PTPRG: variants seen among roughly 807,000 people sequenced by gnomAD.
The protein encoded by PTPRG is receptor-type tyrosine-protein phosphatase gamma.
PTPRG carries 102 observed loss-of-function variants against 165.3 expected under a neutral mutation model. That is an observed-to-expected ratio of 0.62 (90% CI 0.53 to 0.73). The LOEUF (loss-of-function observed/expected upper bound fraction) is 0.73, where lower values mean the gene tolerates loss of function less well. Among genes scored for constraint, PTPRG ranks in the 30% least tolerant of loss-of-function variants. The pLI is 0.00. For synonymous variants in PTPRG, 675 were observed against 669.5 expected (o/e 1.01, Z -0.13); for missense variants, 1,866 against 1,861.4 (o/e 1.00, Z -0.05).
intron 1 of PTPRG, among the ~76,000 whole-genome samples, chr3:61,684,390 C>G (rs1268140835): frequency 6.6e-6 from 1 of 152,182 alleles, no homozygotes; most frequent in African/African-American, 2.4e-5. Context: ...TTTGATTTTT[C>G]TTTTGGCATC....
rs113330430 is a variant in PTPRG, at chr3:62,214,005, T to TGGGCAAC, written c.2156-4845_2156-4839dup. ...TGAGCCCAGAAGTTCGAGACCAGCC[T>TGGGCAAC]GGGCAACATATCAAGAAAGTGTCTC... On this transcript the variant is annotated intron_variant, in intron 12 of 29. Transcript: ENST00000474889. This position sits in a 1 kb window ranked among gnomAD's most constrained non-coding sequence, Gnocchi z 5.2. 1.2e-4 allele frequency among the ~76,000 whole-genome samples: 18 copies of TGGGCAAC among 152,166 alleles called. No individual in the cohort carries two copies. Among genetic ancestry groups the TGGGCAAC allele is most frequent in the African/African-American group, 3.9e-4 (16 of 41,508 alleles).
rs577833100 is a variant in PTPRG at position 61,913,576 on chromosome 3, A to G, written c.191-76049A>G. On this transcript the variant is annotated intron_variant, in intron 2 of 29. Transcript: ENST00000474889. ...ACTCTACGAGTGCATATGTATGTGTATGCACTCATATGGATGTGTGGCTTC... is the reference window on the plus strand; with the variant it reads ...ACTCTACGAGTGCATATGTATGTGTGTGCACTCATATGGATGTGTGGCTTC... 3.3e-5 allele frequency among the ~76,000 whole-genome samples: 5 copies of G among 152,314 alleles called. No individual in the cohort carries two copies. The South Asian group carries it at 8.3e-4, about 25-fold the overall frequency.
At chr3:61,886,165 A>G (rs764300176) in intron 2 of PTPRG, among the ~76,000 whole-genome samples, 1 of 152,088 alleles carries the variant, frequency 6.6e-6, no homozygotes, top group East Asian at 1.9e-4. Flanking sequence ...TTCCTGCTCG[A>G]TCCTTCCTTC....
At chr3:62,173,949 G>C (rs886626165) in intron 8 of PTPRG, among the ~76,000 whole-genome samples, 2 of 152,288 alleles carry the variant, frequency 1.3e-5, no homozygotes, top group Admixed American at 1.3e-4. Context: ...GCTGAAGAAA[G>C]ACTTCTATAT....
intron 2 of PTPRG, among the ~76,000 whole-genome samples, chr3:61,934,263 A>G (rs1010140301): frequency 1.3e-5 from 2 of 152,234 alleles, no homozygotes; most frequent in African/African-American, 2.4e-5. Context: ...ATTCTGGTGT[A>G]TGTCAGAATG....
At chr3:61,787,358 C>T (rs1295872499) in intron 2 of PTPRG, among the ~76,000 whole-genome samples, 1 of 152,186 alleles carries the variant, frequency 6.6e-6, no homozygotes, top group African/African-American at 2.4e-5. Context: ...GCTGTTACTT[C>T]CTTTCCTGCC....
intron 2 of PTPRG, among the ~76,000 whole-genome samples, chr3:61,752,785 CAAA>C (rs749817659): frequency 2.9e-5 from 2 of 69,980 alleles, no homozygotes; most frequent in Admixed American, 2.2e-4. Context: ...AAGACTGTCT[CAAA>C]AAAAAAAAAA....
intron 2 of PTPRG, among the ~76,000 whole-genome samples, chr3:61,789,933 G>A (rs1226982890): frequency 6.6e-6 from 1 of 152,202 alleles, no homozygotes; most frequent in Non-Finnish European, 1.5e-5. Context: ...GGCATATCCT[G>A]TCCTGGTTGA....
chr3:61,683,851 C>T lies in PTPRG; in HGVS notation c.86-65027C>T, dbSNP rs145523493. ...AAATTTAGTTATGAAGGAGACCTCC[C>T]ATTCGAGTCTAGGCGTTTAATAATA... On this transcript the variant is annotated intron_variant, in intron 1 of 29. Coordinates refer to ENST00000474889, the MANE Select transcript of PTPRG (RefSeq NM_002841.4). Among the ~76,000 whole-genome samples, 28 of 152,290 alleles carry T rather than the reference C, an allele frequency of 1.8e-4. No individual in the cohort carries two copies. The East Asian group carries it at 5.4e-3, about 29-fold the overall frequency.
intron 7 of PTPRG, among the ~76,000 whole-genome samples, chr3:62,163,089 C>A (rs1704831710): frequency 6.6e-6 from 1 of 152,114 alleles, no homozygotes; most frequent in African/African-American, 2.4e-5. Flanking sequence ...TTTTAAACAA[C>A]CAGATCTCGT....
intron 2 of PTPRG, among the ~76,000 whole-genome samples, chr3:61,783,960 T>A (rs1218210632): frequency 6.6e-6 from 1 of 152,168 alleles, no homozygotes; most frequent in Non-Finnish European, 1.5e-5. Flanking sequence ...CATTGGGCAT[T>A]TGAACCTGAG....
At chr3:62,156,100 A>G (rs938587762) in intron 6 of PTPRG, among the ~76,000 whole-genome samples, 23 of 152,254 alleles carry the variant, frequency 1.5e-4, no homozygotes, top group African/African-American at 5.5e-4. Flanking sequence ...ATTATAAGAT[A>G]TTTTCCTCAT....
intron 2 of PTPRG, among the ~76,000 whole-genome samples, chr3:61,864,386 A>C (rs2037350419): frequency 1.3e-5 from 2 of 152,242 alleles, no homozygotes; most frequent in South Asian, 4.1e-4. Flanking sequence ...TGATAGGTGG[A>C]TAAGGGGACA....
intron 2 of PTPRG, among the ~76,000 whole-genome samples, chr3:61,909,633 G>T (rs1320061306): frequency 6.6e-6 from 1 of 151,684 alleles, no homozygotes; most frequent in Non-Finnish European, 1.5e-5. Context: ...CAGTTATCTT[G>T]CCTCAGCCTC....
At chr3:61,572,866 C>T (rs1170505624) in intron 1 of PTPRG, among the ~76,000 whole-genome samples, 1 of 152,150 alleles carries the variant, frequency 6.6e-6, no homozygotes, top group African/African-American at 2.4e-5. Context: ...TGTTTGTCAC[C>T]CAAGCATAGG....
intron 4 of PTPRG, among the ~76,000 whole-genome samples, chr3:62,006,860 T>C (rs1380762051): frequency 6.6e-6 from 1 of 152,196 alleles, no homozygotes; most frequent in African/African-American, 2.4e-5. Flanking sequence ...AAAATGTCAC[T>C]AGTGTCACTG....
Position 62,224,635 on chromosome 3 carries a change from G to C in PTPRG, c.2288+5652G>C, listed in dbSNP as rs73098582. ...GTTTCCTGAAAGGGAGAACTTTGGA[G>C]ACCAATCATTAGTCTGTACTTAAAA... On this transcript the variant is annotated intron_variant, in intron 13 of 29. Transcript: ENST00000474889. This position sits in a 1 kb window ranked among gnomAD's most constrained non-coding sequence, Gnocchi z 4.9. 0.011 allele frequency among the ~76,000 whole-genome samples: 1,717 copies of C among 152,306 alleles called. 23 individuals carry two copies. Among genetic ancestry groups the C allele is most frequent in the Middle Eastern group, 0.017 (5 of 294 alleles).
At chr3:62,281,401 A>G (rs1387132566) in intron 26 of PTPRG, among the ~76,000 whole-genome samples, 162 bp from the exon 27 acceptor site, 4 of 151,948 alleles carry the variant, frequency 2.6e-5, no homozygotes, top group African/African-American at 9.7e-5. Flanking sequence ...GAATACAATA[A>G]CCATTCAACT....
At chr3:62,234,652 C>T (rs1446893268) in intron 14 of PTPRG, among the ~76,000 whole-genome samples, 1 of 151,882 alleles carries the variant, frequency 6.6e-6, no homozygotes, top group Non-Finnish European at 1.5e-5. Context: ...AGTTATTGGT[C>T]TTTTTCTAAT....
Sources: allele counts gnomAD v4.1 joint callset (sites outside exome capture counted in the v4.1 genomes callset), GRCh38; gene constraint gnomAD v4.1.1; non-coding constraint Gnocchi (gnomAD v3.1); transcripts MANE v1.5; gene names NCBI Gene and HGNC (gene_info 2026-07-23, HGNC 2026-07-21).